TCP11: variants seen among roughly 807,000 people sequenced by gnomAD.
The protein encoded by TCP11 is T-complex protein 11 homolog.
In TCP11, 34 loss-of-function variants were observed where a neutral mutation model predicts 45.0. The observed-to-expected ratio is 0.76, with a 90% confidence interval of 0.57 to 1.01. The LOEUF (loss-of-function observed/expected upper bound fraction) is 1.01. Among genes scored for constraint, TCP11 ranks in the 50% least tolerant of loss-of-function variants. The pLI, the probability that TCP11 is intolerant of heterozygous loss-of-function variation, is 0.00. For synonymous variants in TCP11, 227 were observed against 227.0 expected, an observed-to-expected ratio of 1.00 and a Z score of 0.00; for missense variants, 523 against 598.1, an observed-to-expected ratio of 0.87 and a Z score of 1.31.
intron 2 of TCP11, chr6:35,140,523 C>T (rs1562014006): frequency 1.5e-6 from 1 of 652,478 alleles, no homozygotes; most frequent in Non-Finnish European, 2.8e-6. Context: ...CAAATCTTGT[C>T]AGATTCAAGT....
chr6:35,140,135 C>A, intron 2 of TCP11: 1 of 1,612,334 alleles, frequency 6.2e-7, no homozygotes. Flanking sequence ...CGCAAAGCCT[C>A]AATCTAATTT....
At chr6:35,128,715 A>G (rs1398712430) in intron 4 of TCP11, 1 of 177,036 alleles carries the variant, frequency 5.6e-6, no homozygotes, top group Non-Finnish European at 1.2e-5. Flanking sequence ...TGTGGTCAGC[A>G]GCATACACAG....
At chr6:35,140,338 G>A (rs1417630166) in intron 2 of TCP11, 8 of 764,134 alleles carry the variant, frequency 1.0e-5, no homozygotes, top group Non-Finnish European at 1.5e-5. Context: ...CTACAGAACC[G>A]AGCTAGAGAC....
At chr6:35,129,438 C>T (rs967698929) in intron 3 of TCP11, among the ~76,000 whole-genome samples, 50 of 152,224 alleles carry the variant, frequency 3.3e-4, no homozygotes, top group African/African-American at 1.2e-3. Context: ...AGAAAGAACC[C>T]TGAATGGAGA....
chr6:35,139,276 G>A (rs1395957800), intron 2 of TCP11, among the ~76,000 whole-genome samples: 1 of 151,912 alleles, frequency 6.6e-6, no homozygotes, highest in African/African-American at 2.4e-5. Flanking sequence ...AGGCAGGAGG[G>A]GGAAATACAG....
chr6:35,140,311 A>G, intron 2 of TCP11: 2 of 970,488 alleles, frequency 2.1e-6, no homozygotes, highest in South Asian at 2.8e-5. Context: ...CCCAACAAGA[A>G]CACAAAAGAA....
chr6:35,118,418 G>A lies in TCP11; in HGVS notation c.1363C>T (p.Leu455Phe). ...AGTTCTGCCAGTTCTGCTTCAATGA[G>A]AGTAAGGCCTCCAGGAAGGTCTAAT... ...SLLDLPGGLTLIEAELAELGQ... is the reference protein window; with the variant it reads ...SLLDLPGGLTFIEAELAELGQ... The change falls in exon 10 of 10, where the codon CTC becomes TTC. Residue 455 changes from leucine (L) to phenylalanine (F), a missense_variant. By Grantham distance (22) the Leu-to-Phe change is conservative. This residue lies in a region of TCP11 where 298 missense variants were observed against 387.9 expected (regional missense o/e 0.77). Transcript: ENST00000311875. 1.2e-6 allele frequency: 2 copies of A among 1,614,144 alleles called. No homozygotes were observed. The highest frequency in any genetic ancestry group is 1.3e-5 in the African/African-American group (1 of 75,028).
rs747639934 is a variant in TCP11, at chr6:35,122,212, C to A, written c.483G>T (p.Lys161Asn). 12 of 1,614,168 alleles carry A rather than the reference C, an allele frequency of 7.4e-6. No homozygotes were observed. The Admixed American group carries it at 2.0e-4, about 27-fold the overall frequency. Residue 161 changes from lysine to asparagine, a missense_variant, in exon 5 of 10, where the codon AAG becomes AAT. Coordinates refer to ENST00000311875, the MANE Select transcript of TCP11 (RefSeq NM_001370687.1). ...HGALKVLYLS[K>N]YVLNMMALLC... is the part of the protein sequence containing the mutation. Reference sequence around the variant, plus strand: ...GCAAAGCCATCATGTTGAGAACGTACTTAGAGAGATAGAGGACTTTCAGGG... The same window carrying A: ...GCAAAGCCATCATGTTGAGAACGTAATTAGAGAGATAGAGGACTTTCAGGG...
intron 4 of TCP11, among the ~76,000 whole-genome samples, chr6:35,126,416 A>T (rs1581818963): frequency 6.6e-6 from 1 of 152,230 alleles, no homozygotes. Context: ...GTCTTTGCCT[A>T]CTCCATTGCA....
intron 1 of TCP11, 83 bp from the exon 2 acceptor site, chr6:35,140,967 A>AG (rs1213079043): frequency 1.9e-6 from 2 of 1,066,986 alleles, no homozygotes; most frequent in African/African-American, 3.5e-5. Flanking sequence ...GGCGGCGGGA[A>AG]GGGGGGTAGC....
At chr6:35,127,858 G>C (rs886137496) in intron 4 of TCP11, among the ~76,000 whole-genome samples, 4 of 152,212 alleles carry the variant, frequency 2.6e-5, no homozygotes, top group Non-Finnish European at 5.9e-5. Flanking sequence ...TGTGGAAACT[G>C]AGTAGCCGAA....
At chr6:35,128,545 ATT>A (rs897287932) in intron 4 of TCP11, 28 of 153,054 alleles carry the variant, frequency 1.8e-4, no homozygotes, top group African/African-American at 6.7e-4. Flanking sequence ...GGTGCAGAAC[ATT>A]GTGGGTCACC....
intron 2 of TCP11, among the ~76,000 whole-genome samples, chr6:35,138,779 A>AT (rs1441080492): frequency 6.6e-6 from 1 of 152,222 alleles, no homozygotes; most frequent in Non-Finnish European, 1.5e-5. Flanking sequence ...CCTTGAGATG[A>AT]TGTGTACCGC....
At chr6:35,119,141 C>T in intron 9 of TCP11, 87 bp downstream of exon 9, 1 of 1,518,408 alleles carries the variant, frequency 6.6e-7, no homozygotes, top group Non-Finnish European at 9.0e-7. Flanking sequence ...ACCTAATGAC[C>T]ATGCTTCATG....
intron 3 of TCP11, 149 bp downstream of exon 3, chr6:35,135,958 A>G (rs1781030923): frequency 5.6e-6 from 3 of 535,492 alleles, no homozygotes; most frequent in Non-Finnish European, 9.8e-6. Flanking sequence ...ATTACAACTT[A>G]GTACTCTTCT....
At position 35,133,239 on chromosome 6, in the gene TCP11, C is replaced by T. The variant is rs1243810826; in HGVS notation, c.236+2868G>A. ...TTGCCTGGGCTGGAGTGCAGTAGCA[C>T]TATCACAGCTTACTGCAGCCTTGAC... On this transcript the variant is annotated intron_variant, in intron 3 of 9. Transcript: ENST00000311875. Among the ~76,000 whole-genome samples, 7 of 152,178 alleles carry T rather than the reference C, an allele frequency of 4.6e-5. No homozygotes were observed. In the East Asian group the frequency reaches 1.4e-3, roughly 30 times the overall value.
intron 2 of TCP11, 39 bp downstream of exon 2, chr6:35,140,708 C>A (rs754076733): frequency 2.1e-6 from 3 of 1,452,092 alleles, no homozygotes; most frequent in Non-Finnish European, 2.8e-6. Context: ...ACACTAAGCA[C>A]CCCCTAGGGG....
In TCP11 at chr6:35,123,973, T is replaced by C. The variant is rs1003985295; in HGVS notation, c.358-1636A>G. Reference sequence around the variant, plus strand: ...AGCTAATTAAAAAGATTTTTTTTTTTCTAGAGATGGAGGTCTTGCTGTGTT... The same window carrying C: ...AGCTAATTAAAAAGATTTTTTTTTTCCTAGAGATGGAGGTCTTGCTGTGTT... On this transcript the variant is annotated intron_variant, in intron 4 of 9. Coordinates refer to ENST00000311875, the MANE Select transcript of TCP11 (RefSeq NM_001370687.1). Among the ~76,000 whole-genome samples, 5 of 151,922 alleles carry C rather than the reference T, an allele frequency of 3.3e-5. No homozygotes were observed. The South Asian group carries it at 6.3e-4, about 19-fold the overall frequency.
At chr6:35,119,984 T>G (rs1341256099) in intron 8 of TCP11, among the ~76,000 whole-genome samples, 175 bp downstream of exon 8, 1 of 151,520 alleles carries the variant, frequency 6.6e-6, no homozygotes, top group African/African-American at 2.4e-5. Flanking sequence ...GGAAGAAAGG[T>G]TTTTTTTTGT....
Sources: gnomAD v4.1 joint callset for allele counts (sites outside exome capture counted in the v4.1 genomes callset) on GRCh38, gnomAD v4.1.1 for gene constraint, gnomAD v4.1.1 regional missense constraint, MANE v1.5 for transcripts, NCBI Gene and HGNC (gene_info 2026-07-23, HGNC 2026-07-21) for gene names.